The following ANKRD36C variants were observed in gnomAD, a reference collection of about 807,000 sequenced individuals.
The protein encoded by ANKRD36C is ankyrin repeat domain 36C, also known as ankyrin repeat domain-containing protein 36C.
ANKRD36C carries 61 observed loss-of-function variants against 276.4 expected under a neutral mutation model. The observed-to-expected ratio is 0.22, with a 90% CI of 0.18 to 0.27. The LOEUF (loss-of-function observed/expected upper bound fraction) is 0.27, where lower values mean the gene tolerates loss of function less well. ANKRD36C is among the 10% of genes least tolerant of loss of function. The pLI is 1.00. For missense variants in ANKRD36C, 1,447 were observed against 2,032.3 expected, an observed-to-expected ratio of 0.71 and a Z score of 5.54; for synonymous variants, 483 against 680.1, an observed-to-expected ratio of 0.71 and a Z score of 4.51.
intron 60 of ANKRD36C, among the ~76,000 whole-genome samples, chr2:95,860,816 A>C (rs1175081268): frequency 6.6e-6 from 1 of 152,174 alleles, no homozygotes; most frequent in Non-Finnish European, 1.5e-5. Context: ...ACAGGACAGA[A>C]AACTGGAGAG....
chr2:95,954,010 A>G lies in ANKRD36C; in HGVS notation c.1137-5T>C, dbSNP rs1010789583. 1.3e-5 allele frequency: 20 copies of G among 1,534,766 alleles called. No individual in the cohort carries two copies. The highest frequency in any genetic ancestry group is 4.9e-5 in the East Asian group (2 of 40,892). On this transcript the variant is annotated splice_polypyrimidine_tract_variant and splice_region_variant and intron_variant, in intron 13 of 66. Coordinates refer to ENST00000456556, the Ensembl canonical transcript of ANKRD36C. ...GCATCCGGTCTGTAGAGACTCCTAC[A>G]GAGCAAAAAGATACAGCAAAAATGA...
At chr2:95,866,059 G>T (rs1174117241) in intron 60 of ANKRD36C, among the ~76,000 whole-genome samples, 4 of 152,118 alleles carry the variant, frequency 2.6e-5, no homozygotes, top group Non-Finnish European at 5.9e-5. Flanking sequence ...TTCAACATGT[G>T]GTGTTGGAAC....
At chr2:95,914,768 C>A (rs186585216) in intron 38 of ANKRD36C, among the ~76,000 whole-genome samples, 1 of 151,550 alleles carries the variant, frequency 6.6e-6, no homozygotes, top group South Asian at 2.1e-4. Context: ...GCACACAATT[C>A]CGATGATACT....
At chr2:95,894,888 T>A (rs974845766) in intron 44 of ANKRD36C, among the ~76,000 whole-genome samples, 1 of 151,116 alleles carries the variant, frequency 6.6e-6, no homozygotes, top group East Asian at 2.0e-4. Flanking sequence ...TCCTCAGCAG[T>A]AACCCCAAAA....
chr2:95,882,265 G>A, intron 56 of ANKRD36C, 37 bp downstream of exon 76: 1 of 1,547,400 alleles, frequency 6.5e-7, no homozygotes, highest in Non-Finnish European at 8.7e-7. Context: ...CTTCTATCTT[G>A]AGTGCACATG....
At chr2:95,970,389 C>T (rs1476138593) in intron 6 of ANKRD36C, among the ~76,000 whole-genome samples, 33 of 152,206 alleles carry the variant, frequency 2.2e-4, no homozygotes, top group Admixed American at 2.6e-4. Context: ...CCCTTAAAAG[C>T]TTATCCAATC....
In ANKRD36C at chr2:95,980,568, C is replaced by T. The variant is rs549993332; in HGVS notation, c.731+80G>A. ...ACTTGAATCAAACTATGCAATCTCA[C>T]CTGATATATAAGATGCAATTGCTAC... is the stretch of plus-strand genomic sequence containing the variant. On this transcript the variant is annotated intron_variant, in intron 5 of 66. Transcript: ENST00000456556. 11 of 1,515,130 alleles carry T rather than the reference C, an allele frequency of 7.3e-6. No homozygotes were observed. The East Asian group carries it at 2.6e-4, about 36-fold the overall frequency. 93.9% of individuals were successfully genotyped at this position (1,515,130 alleles called of 1,614,324 possible).
At chr2:95,959,858 C>T (rs1397206688) in intron 10 of ANKRD36C, among the ~76,000 whole-genome samples, 1 of 152,144 alleles carries the variant, frequency 6.6e-6, no homozygotes. Flanking sequence ...AGCACTCTAT[C>T]CTGCTTCCAG....
intron 62 of ANKRD36C, among the ~76,000 whole-genome samples, chr2:95,857,092 T>C (rs996319026): frequency 6.6e-6 from 1 of 152,116 alleles, no homozygotes; most frequent in Admixed American, 6.5e-5. Flanking sequence ...AAGTATATAT[T>C]GTAGAATAGC....
exon 1 of ANKRD36C, chr2:95,991,711 T>C (rs764820038): frequency 1.9e-6 from 3 of 1,612,436 alleles, no homozygotes; most frequent in Non-Finnish European, 2.5e-6. Context: ...TCATCCATAA[T>C]GGTCGGCTGC....
chr2:95,987,605 C>CTTTTT (rs35536038), intron 1 of ANKRD36C, among the ~76,000 whole-genome samples: 8 of 87,484 alleles, frequency 9.1e-5, no homozygotes, highest in Admixed American at 1.5e-4. Context: ...CTTACAAAGA[C>CTTTTT]TTTTTTTTTT....
chr2:95,965,497 C>A (rs186274886), intron 6 of ANKRD36C, among the ~76,000 whole-genome samples: 1 of 152,104 alleles, frequency 6.6e-6, no homozygotes, highest in Non-Finnish European at 1.5e-5. Flanking sequence ...CATGACATGT[C>A]GAAAAGACAT....
At chr2:95,907,230 A>G (rs1290015323) in intron 42 of ANKRD36C, 2 of 32,448 alleles carry the variant, frequency 6.2e-5, no homozygotes, top group Non-Finnish European at 1.3e-4. Context: ...ACACCATTAT[A>G]CTACAAACAT....
chr2:95,880,580 T>C lies in ANKRD36C; in HGVS notation c.3396+15A>G. ...TGCAGTTAATAATTAAAAATATAAATGTAAGAGTAATTACCTTCAAGGTGG... is the reference window on the plus strand; with the variant it reads ...TGCAGTTAATAATTAAAAATATAAACGTAAGAGTAATTACCTTCAAGGTGG... On this transcript the variant is annotated intron_variant, in intron 57 of 66. Coordinates refer to ENST00000456556, the Ensembl canonical transcript of ANKRD36C. 6.5e-7 allele frequency: 1 copy of C among 1,532,646 alleles called. No homozygotes were observed. Among genetic ancestry groups the C allele is most frequent in the Non-Finnish European group, 8.8e-7 (1 of 1,130,674 alleles). 94.9% of individuals were successfully genotyped at this position (1,532,646 alleles called of 1,614,324 possible). A position where few individuals can be genotyped will look rare whatever the true frequency, so the allele number is the denominator to read the frequency against.
At chr2:95,855,839 A>G in exon 63 of ANKRD36C, 8 of 1,613,872 alleles carry the variant, frequency 5.0e-6, no homozygotes, top group Non-Finnish European at 6.8e-6. Context: ...GATCACATAG[A>G]GCAGCATTCA....
At position 95,882,300 on chromosome 2, in the gene ANKRD36C, A is replaced by G; in HGVS notation, c.3367+2T>C. On this transcript the variant is annotated splice_donor_variant, in intron 56 of 66. Coordinates refer to ENST00000456556, the Ensembl canonical transcript of ANKRD36C. LOFTEE classifies it high-confidence loss of function. ...GACATTAAATGTATATTGCTAAATTACCTGTTCCAGATTTCCAACCGCCCG... is the reference window on the plus strand; with the variant it reads ...GACATTAAATGTATATTGCTAAATTGCCTGTTCCAGATTTCCAACCGCCCG... 6.5e-7 allele frequency: 1 copy of G among 1,549,918 alleles called. No homozygotes were observed. The highest frequency in any genetic ancestry group is 8.7e-7 in the Non-Finnish European group (1 of 1,146,988).
intron 24 of ANKRD36C, among the ~76,000 whole-genome samples, chr2:95,931,486 C>T (rs1677567322): frequency 1.3e-5 from 2 of 150,334 alleles, no homozygotes; most frequent in Non-Finnish European, 1.5e-5. Flanking sequence ...CTTTGTGGAG[C>T]TATTTTATGT....
At chr2:95,953,502 G>A (rs1306948226) in intron 14 of ANKRD36C, among the ~76,000 whole-genome samples, 3 of 152,100 alleles carry the variant, frequency 2.0e-5, no homozygotes, top group Non-Finnish European at 4.4e-5. Context: ...TATATGCTAT[G>A]TGTAACAGAG....
At chr2:95,893,334 A>T (rs543379386) in intron 44 of ANKRD36C, among the ~76,000 whole-genome samples, 199 bp downstream of exon 64, 1 of 151,094 alleles carries the variant, frequency 6.6e-6, no homozygotes, top group African/African-American at 2.4e-5. Context: ...CAATGTGGGG[A>T]ACTGTATAAT....
Sources: gnomAD v4.1 joint callset for allele counts (sites outside exome capture counted in the v4.1 genomes callset) on GRCh38, gnomAD v4.1.1 for gene constraint, MANE v1.5 for transcripts, NCBI Gene and HGNC (gene_info 2026-07-23, HGNC 2026-07-21) for gene names.